KDM3B: variants seen among roughly 807,000 people sequenced by gnomAD.
KDM3B encodes the protein lysine-specific demethylase 3B.
Under a neutral mutation model 170.0 loss-of-function variants are expected in KDM3B, and 10 were observed. That is an observed-to-expected ratio of 0.06 (90% CI 0.04 to 0.10). KDM3B has a LOEUF of 0.10. KDM3B is among the 10% of genes least tolerant of loss of function. The pLI is 1.00. For missense variants in KDM3B, 1,394 were observed against 2,195.2 expected (o/e 0.64, Z 7.29); for synonymous variants, 831 against 834.8 (o/e 1.00, Z 0.08).
intron 8 of KDM3B, among the ~76,000 whole-genome samples, 181 bp from the exon 9 acceptor site, chr5:138,392,990 A>G (rs757941462): frequency 2.6e-5 from 4 of 152,330 alleles, no homozygotes; most frequent in African/African-American, 7.2e-5. Flanking sequence ...TTAGCTCCCA[A>G]TGGAAGCTTC....
chr5:138,369,615 A>G (rs1389468261), intron 1 of KDM3B, among the ~76,000 whole-genome samples: 2 of 152,204 alleles, frequency 1.3e-5, no homozygotes, highest in African/African-American at 2.4e-5. Context: ...CTCATTGGCT[A>G]CTGCTTCCTT....
chr5:138,412,072 A>C (rs1192902538), intron 11 of KDM3B, among the ~76,000 whole-genome samples: 1 of 149,412 alleles, frequency 6.7e-6, no homozygotes, highest in African/African-American at 2.5e-5. Flanking sequence ...ACGGTGGCTC[A>C]TGCCTGTAAT....
intron 11 of KDM3B, among the ~76,000 whole-genome samples, chr5:138,411,107 G>A (rs1762956592): frequency 6.6e-6 from 1 of 152,090 alleles, no homozygotes; most frequent in Non-Finnish European, 1.5e-5. Context: ...CTGCTAAGTA[G>A]CGGGTGTTGT....
At position 138,414,177 on chromosome 5, in the gene KDM3B, T is replaced by A. The variant is rs576432260; in HGVS notation, c.3200-955T>A. On this transcript the variant is annotated intron_variant, in intron 11 of 23. Transcript: ENST00000314358. Reference sequence around the variant, plus strand: ...TTGAAAGGCAAAACTTATTATTATTTTTTTTTGAGATGGAGTCTCGCTCTG... The same window carrying A: ...TTGAAAGGCAAAACTTATTATTATTATTTTTTGAGATGGAGTCTCGCTCTG... 9.9e-5 allele frequency among the ~76,000 whole-genome samples: 15 copies of A among 152,222 alleles called. No individual in the cohort carries two copies. In the East Asian group the frequency reaches 2.1e-3, roughly 22 times the overall value.
At chr5:138,430,826 G>A (rs747794678) in intron 22 of KDM3B, among the ~76,000 whole-genome samples, 1 of 152,054 alleles carries the variant, frequency 6.6e-6, no homozygotes, top group Non-Finnish European at 1.5e-5. Flanking sequence ...GGAGGTGGAG[G>A]TTGCAGTGAG....
At position 138,418,585 on chromosome 5, in the gene KDM3B, T is replaced by A. The variant is rs569324476; in HGVS notation, c.3436-368T>A. 3.9e-5 allele frequency among the ~76,000 whole-genome samples: 6 copies of A among 152,352 alleles called. No homozygotes were observed. The East Asian group carries it at 1.2e-3, about 29-fold the overall frequency. ...AAAATCAGTAAGAGTAATAAACATT[T>A]ATTTAGCATTTATCTGTGTCAGAAC... On this transcript the variant is annotated intron_variant, in intron 13 of 23. Coordinates refer to ENST00000314358, the MANE Select transcript of KDM3B (RefSeq NM_016604.4).
chr5:138,434,006 C>T (rs1429040807), intron 23 of KDM3B, among the ~76,000 whole-genome samples: 1 of 152,196 alleles, frequency 6.6e-6, no homozygotes, highest in East Asian at 1.9e-4. Context: ...TCCCAAAATG[C>T]TGAGATTACA....
Position 138,386,129 on chromosome 5 carries a change from C to T in KDM3B, c.888C>T (p.Asp296=). The stretch of plus-strand genomic sequence containing the variant: ...AAAGTGCTTCGGACTCTGGGTGTGA[C>T]CCTGCATCAAAGAAATTAAAAGGAG... ...RRKSASDSGC[D]PASKKLKGDR... is the part of the protein sequence containing the mutation. Residue 296 remains aspartate, a synonymous_variant, in exon 7 of 24, where the codon GAC becomes GAT. Transcript: ENST00000314358. 6.2e-7 allele frequency: 1 copy of T among 1,614,044 alleles called. No homozygotes were observed.
chr5:138,377,573 C>T, intron 3 of KDM3B, 147 bp from the exon 4 acceptor site: 1 of 551,160 alleles, frequency 1.8e-6, no homozygotes, highest in Non-Finnish European at 3.2e-6. Flanking sequence ...CAGGCATGAT[C>T]ACCACGCCTA....
intron 1 of KDM3B, among the ~76,000 whole-genome samples, chr5:138,360,372 A>T (rs1407011694): frequency 1.3e-5 from 2 of 152,104 alleles, no homozygotes; most frequent in Admixed American, 6.5e-5. Context: ...TGACATTAAG[A>T]CTATATACTG....
chr5:138,397,154 A>ATGTT (rs1317727140), intron 9 of KDM3B, among the ~76,000 whole-genome samples: 3 of 151,402 alleles, frequency 2.0e-5, no homozygotes, highest in Non-Finnish European at 4.4e-5. Flanking sequence ...ACATGGTAAA[A>ATGTT]CCCCGTCTCT....
chr5:138,435,886 A>G lies in KDM3B; in HGVS notation c.*186A>G. 1 of 592,474 alleles carries G rather than the reference A, an allele frequency of 1.7e-6. No homozygotes were observed. 36.7% of individuals were successfully genotyped at this position (592,474 alleles called of 1,614,324 possible). A position where few individuals can be genotyped will look rare whatever the true frequency, so the allele number is the denominator to read the frequency against. On this transcript the variant is annotated 3_prime_UTR_variant, in exon 24 of 24. Transcript: ENST00000314358. ...CTGAAGGTTGACACAGGAAAGTCGT[A>G]CTGTTCACACACACAGTTTGAGACT...
At chr5:138,362,797 G>A (rs1048225057) in intron 1 of KDM3B, among the ~76,000 whole-genome samples, 3 of 148,930 alleles carry the variant, frequency 2.0e-5, no homozygotes, top group Non-Finnish European at 4.5e-5. Flanking sequence ...GTGCAGGTTT[G>A]TTACATATGT....
In KDM3B at chr5:138,431,527, A is replaced by G; in HGVS notation, c.5173A>G (p.Asn1725Asp). 3.1e-6 allele frequency: 5 copies of G among 1,610,788 alleles called. No homozygotes were observed. Among genetic ancestry groups the G allele is most frequent in the Non-Finnish European group, 4.2e-6 (5 of 1,178,922 alleles). Residue 1725 changes from asparagine to aspartate, a missense_variant, in exon 23 of 24, where the codon AAC (asparagine) becomes GAC (aspartate). Physicochemically the swap from Asn to Asp is conservative, Grantham distance 23 (BLOSUM62 1). Transcript: ENST00000314358. ...GACTCAGGAATTCAGGCATCTCTCT[A>G]ACACTCATACAAATCATGAGGATAA... Reference protein sequence around the residue: ...RLTQEFRHLSNTHTNHEDKLQ... With the variant: ...RLTQEFRHLSDTHTNHEDKLQ...
At position 138,428,025 on chromosome 5, in the gene KDM3B, T is replaced by G; in HGVS notation, c.4692T>G (p.Ser1564=). The change falls in exon 20 of 24, where the codon TCT becomes TCG. Residue 1564 remains serine, a synonymous_variant. Transcript: ENST00000314358. ...CAACAAATCTTCACTTAGATGTGTC[T>G]GATGCTGTTAATGTGATGGTGTATG... ...VGTTNLHLDV[S]DAVNVMVYVG... 6.2e-7 allele frequency: 1 copy of G among 1,613,386 alleles called. No individual in the cohort carries two copies. Among genetic ancestry groups the G allele is most frequent in the Non-Finnish European group, 8.5e-7 (1 of 1,179,308 alleles).
intron 1 of KDM3B, among the ~76,000 whole-genome samples, chr5:138,353,887 A>G (rs1348656988): frequency 1.3e-5 from 2 of 152,140 alleles, no homozygotes; most frequent in South Asian, 4.1e-4. Flanking sequence ...AGTTTTGGCA[A>G]GCCACTTTAT....
chr5:138,352,971 T>C lies in KDM3B; in HGVS notation c.176T>C (p.Val59Ala). 1 of 1,228,200 alleles carries C rather than the reference T, an allele frequency of 8.1e-7. No homozygotes were observed. Among genetic ancestry groups the C allele is most frequent in the Non-Finnish European group, 1.0e-6 (1 of 986,770 alleles). 76.1% of individuals were successfully genotyped at this position (1,228,200 alleles called of 1,614,324 possible). A position where few individuals can be genotyped will look rare whatever the true frequency, so the allele number is the denominator to read the frequency against. The change falls in exon 1 of 24, where the codon GTG becomes GCG. Residue 59 changes from valine (V) to alanine (A), a missense_variant. Physicochemically the swap from Val to Ala is moderately conservative, Grantham distance 64 (BLOSUM62 0). Transcript: ENST00000314358. ...AGTVRAMSGA[V>A]PQDLAIFVEF... ...ACGGTGCGGGCCATGAGCGGGGCGGTGCCCCAGGACCTAGCGGTGAGTGGC... is the reference window on the plus strand; with the variant it reads ...ACGGTGCGGGCCATGAGCGGGGCGGCGCCCCAGGACCTAGCGGTGAGTGGC...
chr5:138,364,822 A>C (rs1038182911), intron 1 of KDM3B, among the ~76,000 whole-genome samples: 2 of 152,204 alleles, frequency 1.3e-5, no homozygotes, highest in African/African-American at 4.8e-5. Flanking sequence ...GTGGGATGCA[A>C]ATCCATATCT....
In KDM3B at chr5:138,385,221, A is replaced by G. The variant is rs377351860; in HGVS notation, c.781-801A>G. Among the ~76,000 whole-genome samples the G allele has an allele frequency of 2.4e-4, 36 of 152,070 alleles. No homozygotes were observed. The East Asian group carries it at 4.5e-3, about 19-fold the overall frequency. On this transcript the variant is annotated intron_variant, in intron 6 of 23. Transcript: ENST00000314358. Reference sequence around the variant, plus strand: ...TTTTTAGTAGAGACAGGGTTTCACCATGTTGCCCAGGCTGGTCTCAAACTC... The same window carrying G: ...TTTTTAGTAGAGACAGGGTTTCACCGTGTTGCCCAGGCTGGTCTCAAACTC...
Sources: allele counts gnomAD v4.1 joint callset (sites outside exome capture counted in the v4.1 genomes callset), GRCh38; gene constraint gnomAD v4.1.1; transcripts MANE v1.5; gene names NCBI Gene and HGNC (gene_info 2026-07-23, HGNC 2026-07-21).